STK32B: variants seen among roughly 807,000 people sequenced by gnomAD.
The protein encoded by STK32B is serine/threonine kinase 32B.
A neutral mutation model predicts 52.6 loss-of-function variants in STK32B; 43 were observed. The ratio of observed to expected loss-of-function variants is 0.82; its 90% CI spans 0.64 to 1.05. The LOEUF is 1.05. Ranked by LOEUF, STK32B falls within the 50% of genes least tolerant of loss-of-function variation. The probability of loss-of-function intolerance (pLI) is 0.00; values close to 1 mark genes in which losing one functional copy is unlikely to be tolerated. For missense variants in STK32B, 621 were observed against 534.6 expected (o/e 1.16, Z -1.59); for synonymous variants, 238 against 204.3 (o/e 1.17, Z -1.41).
intron 3 of STK32B, among the ~76,000 whole-genome samples, chr4:5,235,531 A>C (rs774441570): frequency 4.6e-5 from 7 of 152,200 alleles, no homozygotes; most frequent in Non-Finnish European, 1.0e-4. Context: ...TCGAATTAGC[A>C]ACTTTATCTG....
the STK32B span, among the ~76,000 whole-genome samples, chr4:5,019,863 G>A: frequency 6.6e-6 from 1 of 152,164 alleles, no homozygotes; most frequent in African/African-American, 2.4e-5. Context: ...TTGTCAAAAT[G>A]GATATAGTGC....
chr4:5,246,322 T>G lies in STK32B; in HGVS notation c.260+77872T>G, dbSNP rs540683905. On this transcript the variant is annotated intron_variant, in intron 3 of 11. Transcript: ENST00000282908. ...TCTCTTCATGCTTCATTTCATGCAT[T>G]TTGTCTTCCATAGCTGATACCCTTT... Among the ~76,000 whole-genome samples the G allele has an allele frequency of 2.6e-5, 4 of 152,312 alleles. No homozygotes were observed. The East Asian group carries it at 7.7e-4, about 29-fold the overall frequency.
At chr4:5,086,803 G>GA (rs1335753311) in intron 1 of STK32B, among the ~76,000 whole-genome samples, 1 of 152,154 alleles carries the variant, frequency 6.6e-6, no homozygotes, top group Non-Finnish European at 1.5e-5. Context: ...TCAAAGTGCT[G>GA]AAAAAATCTA....
At chr4:5,101,569 A>AT (rs1243356294) in intron 1 of STK32B, among the ~76,000 whole-genome samples, 3 of 152,096 alleles carry the variant, frequency 2.0e-5, no homozygotes, top group East Asian at 3.9e-4. Context: ...TTCCTTTATC[A>AT]TTTTTTCTGA....
chr4:5,074,610 G>C (rs567032334), intron 1 of STK32B, among the ~76,000 whole-genome samples: 7 of 152,096 alleles, frequency 4.6e-5, no homozygotes, highest in African/African-American at 1.7e-4. Context: ...AAGCTAGCAT[G>C]TGTAAAGCAC....
At chr4:5,402,136 C>T (rs896397206) in intron 5 of STK32B, among the ~76,000 whole-genome samples, 2 of 152,214 alleles carry the variant, frequency 1.3e-5, no homozygotes, top group Non-Finnish European at 2.9e-5. Flanking sequence ...GTCGTGTTTG[C>T]CACCAATGCA....
At chr4:5,280,600 T>C (rs1385565529) in intron 3 of STK32B, among the ~76,000 whole-genome samples, 1 of 152,142 alleles carries the variant, frequency 6.6e-6, no homozygotes, top group East Asian at 1.9e-4. Flanking sequence ...CGCACTGCTA[T>C]AAAGACATAC....
chr4:5,357,094 C>T (rs201774143), intron 4 of STK32B, among the ~76,000 whole-genome samples: 8,349 of 103,636 alleles, frequency 0.081, 367 homozygotes, highest in African/African-American at 0.17. Context: ...CGTATACACA[C>T]ACACACACAC....
intron 3 of STK32B, among the ~76,000 whole-genome samples, chr4:5,176,395 C>T (rs1196294043): frequency 1.3e-5 from 2 of 149,324 alleles, no homozygotes; most frequent in Non-Finnish European, 3.0e-5. Flanking sequence ...GCGTTGCTTA[C>T]ATTGGGAGCT....
chr4:5,310,542 G>C (rs1459166356), intron 3 of STK32B, among the ~76,000 whole-genome samples: 3 of 152,052 alleles, frequency 2.0e-5, no homozygotes, highest in African/African-American at 7.2e-5. Context: ...AATAACAAAT[G>C]CTGGCAAGGA....
chr4:5,037,533 C>G, the STK32B span, among the ~76,000 whole-genome samples: 1 of 152,184 alleles, frequency 6.6e-6, no homozygotes, highest in Non-Finnish European at 1.5e-5. Context: ...GAACCCTGAG[C>G]CCTCCAGAAC....
At position 5,270,233 on chromosome 4, in the gene STK32B, A is replaced by G. The variant is rs191902749; in HGVS notation, c.261-60987A>G. ...CACACGATTACAGGTGAGGTCCCAC[A>G]ATAGTCCATCTGCAAGCTGAGGAGC... On this transcript the variant is annotated intron_variant, in intron 3 of 11. Coordinates refer to ENST00000282908, the MANE Select transcript of STK32B (RefSeq NM_018401.3). Among the ~76,000 whole-genome samples the G allele has an allele frequency of 7.6e-3, 1,151 of 152,286 alleles. 6 individuals are homozygous for G. Among genetic ancestry groups the G allele is most frequent in the South Asian group, 0.015 (70 of 4,820 alleles).
At chr4:5,276,011 G>A (rs941937642) in intron 3 of STK32B, among the ~76,000 whole-genome samples, 6 of 152,122 alleles carry the variant, frequency 3.9e-5, no homozygotes, top group African/African-American at 1.2e-4. Flanking sequence ...CATTTAGGCC[G>A]GGCATGGTGG....
intron 11 of STK32B, among the ~76,000 whole-genome samples, chr4:5,490,368 A>C (rs907437164): frequency 6.6e-5 from 10 of 151,914 alleles, no homozygotes; most frequent in Non-Finnish European, 1.3e-4. Flanking sequence ...CAGCCTCCCA[A>C]AGTGCTGGGA....
chr4:5,463,882 A>AT (rs1182951481), intron 9 of STK32B, among the ~76,000 whole-genome samples: 2 of 152,254 alleles, frequency 1.3e-5, no homozygotes, highest in Admixed American at 1.3e-4. Context: ...CAGTCTCAGC[A>AT]GAAGCCTTCT....
At chr4:5,412,894 C>A (rs116363385) in intron 5 of STK32B, among the ~76,000 whole-genome samples, 188 of 152,290 alleles carry the variant, frequency 1.2e-3, no homozygotes, top group African/African-American at 4.4e-3. Context: ...AACCCTCTCA[C>A]TTGGAGTAAA....
intron 3 of STK32B, among the ~76,000 whole-genome samples, chr4:5,308,820 T>C (rs541227864): frequency 1.3e-5 from 2 of 152,162 alleles, no homozygotes; most frequent in African/African-American, 4.8e-5. Context: ...TATAAAGCTT[T>C]CCCCTAATAT....
At chr4:5,353,246 A>G (rs1468611144) in intron 4 of STK32B, among the ~76,000 whole-genome samples, 1 of 152,178 alleles carries the variant, frequency 6.6e-6, no homozygotes, top group Non-Finnish European at 1.5e-5. Flanking sequence ...ATATACAAAA[A>G]ACAACTCAAG....
At chr4:5,062,534 T>C (rs970203355) in intron 1 of STK32B, among the ~76,000 whole-genome samples, 1 of 152,104 alleles carries the variant, frequency 6.6e-6, no homozygotes, top group Non-Finnish European at 1.5e-5. Context: ...TGAGACGGAG[T>C]CTTGCACTGT....
Sources: gnomAD v4.1 joint callset for allele counts (sites outside exome capture counted in the v4.1 genomes callset) on GRCh38, gnomAD v4.1.1 for gene constraint, MANE v1.5 for transcripts, NCBI Gene and HGNC (gene_info 2026-07-23, HGNC 2026-07-21) for gene names.